The following RUNX1T1 variants were observed in gnomAD, a reference collection of about 807,000 sequenced individuals.
RUNX1T1 encodes the protein RUNX1 partner transcriptional co-repressor 1, also known as protein CBFA2T1.
Under a neutral mutation model 62.8 loss-of-function variants are expected in RUNX1T1, and 4 were observed. That is an observed-to-expected ratio of 0.06 (90% CI 0.03 to 0.15). The LOEUF (loss-of-function observed/expected upper bound fraction) is 0.15, where lower values mean the gene tolerates loss of function less well. Ranked by LOEUF, RUNX1T1 falls within the 10% of genes least tolerant of loss-of-function variation. RUNX1T1 has a pLI of 1.00. For missense variants in RUNX1T1, 508 were observed against 754.3 expected (o/e 0.67, Z 3.82); for synonymous variants, 291 against 286.0 (o/e 1.02, Z -0.18).
At chr8:92,006,663 T>C (rs998343605) in intron 4 of RUNX1T1, 2 of 146,778 alleles carry the variant, frequency 1.4e-5, no homozygotes, top group African/African-American at 5.1e-5. Flanking sequence ...GAAGAACTCC[T>C]TTTAACTTTT....
chr8:92,053,525 T>C (rs1830549954), intron 1 of RUNX1T1, among the ~76,000 whole-genome samples: 1 of 152,220 alleles, frequency 6.6e-6, no homozygotes, highest in African/African-American at 2.4e-5. Flanking sequence ...TGTTGCATTA[T>C]ACTTTCAGTA....
Position 91,985,027 on chromosome 8 carries a change from T to C in RUNX1T1, c.1198+1097A>G, listed in dbSNP as rs144332126. Among the ~76,000 whole-genome samples, 1,131 of 152,250 alleles carry C rather than the reference T, an allele frequency of 7.4e-3. 3 individuals carry two copies. The highest frequency in any genetic ancestry group is 0.011 in the Non-Finnish European group (765 of 68,012). On this transcript the variant is annotated intron_variant, in intron 8 of 10. Transcript: ENST00000396218. ...GGAAACTACACTGGCTGGGAACAAA[T>C]TGAAAACAGTAATGTGATCAACAGA...
chr8:92,032,216 T>A (rs1321168238), intron 1 of RUNX1T1, among the ~76,000 whole-genome samples: 2 of 151,562 alleles, frequency 1.3e-5, no homozygotes, highest in Admixed American at 1.3e-4. Context: ...AATACTAAGT[T>A]CAGAAATGGA....
At chr8:91,956,214 C>T, downstream of RUNX1T1, 1 of 231,138 alleles carries the variant, frequency 4.3e-6, no homozygotes, top group Admixed American at 5.6e-5. Flanking sequence ...CTAATCTAGG[C>T]AAGCCAAGCT....
intron 1 of RUNX1T1, among the ~76,000 whole-genome samples, chr8:92,054,330 A>G (rs910128196): frequency 6.6e-6 from 1 of 152,216 alleles, no homozygotes; most frequent in Non-Finnish European, 1.5e-5. Flanking sequence ...CAAAACTCAG[A>G]AAATTTCATC....
intron 10 of RUNX1T1, among the ~76,000 whole-genome samples, chr8:91,968,812 C>T (rs955135953): frequency 2.6e-5 from 4 of 152,152 alleles, no homozygotes; most frequent in African/African-American, 9.7e-5. Flanking sequence ...AGGTAAGTTT[C>T]CTCATCCATA....
In RUNX1T1 at chr8:92,044,292, T is replaced by G. The variant is rs551584947; in HGVS notation, c.7+18254A>C. ...AAAGAAAAAGCCAAAATTTAGTCAC[T>G]CTGAATAAACAAGCTGTAACTGACA... On this transcript the variant is annotated intron_variant, in intron 1 of 10. Transcript: ENST00000396218. Among the ~76,000 whole-genome samples, 5 of 152,322 alleles carry G rather than the reference T, an allele frequency of 3.3e-5. 1 individual carries two copies. Among genetic ancestry groups the G allele is most frequent in the Admixed American group, 3.3e-4 (5 of 15,308 alleles).
intron 1 of RUNX1T1, among the ~76,000 whole-genome samples, chr8:92,086,803 C>T (rs915021848): frequency 6.6e-6 from 1 of 152,122 alleles, no homozygotes; most frequent in African/African-American, 2.4e-5. Context: ...ATTATTTTTC[C>T]TTTGCAATAC....
exon 3 of RUNX1T1, chr8:92,014,775 G>A: frequency 6.2e-7 from 1 of 1,613,904 alleles, no homozygotes; most frequent in Non-Finnish European, 8.5e-7. Flanking sequence ...GGGTGGTGAG[G>A]GGGCGCCATT....
intron 4 of RUNX1T1, chr8:92,010,562 G>A (rs1012862180): frequency 1.3e-5 from 2 of 154,428 alleles, no homozygotes; most frequent in Admixed American, 6.5e-5. Flanking sequence ...GGCACACCTT[G>A]GACATGTCAC....
At chr8:92,080,655 T>A (rs1455163830) in intron 1 of RUNX1T1, among the ~76,000 whole-genome samples, 1 of 152,230 alleles carries the variant, frequency 6.6e-6, no homozygotes, top group East Asian at 1.9e-4. Flanking sequence ...CTCTATTCAT[T>A]CCATTGGCAG....
chr8:92,018,771 A>G (rs879628448), intron 1 of RUNX1T1, among the ~76,000 whole-genome samples: 3 of 152,246 alleles, frequency 2.0e-5, no homozygotes, highest in Admixed American at 6.5e-5. Flanking sequence ...AATAATGTTG[A>G]TATCACTTTA....
chr8:92,065,231 A>G (rs895344532), upstream of RUNX1T1, among the ~76,000 whole-genome samples: 7 of 152,338 alleles, frequency 4.6e-5, no homozygotes, highest in African/African-American at 1.4e-4. Context: ...TCTAACATCC[A>G]AATTGTATAA....
At chr8:92,092,854 T>A (rs1837249574) in intron 1 of RUNX1T1, among the ~76,000 whole-genome samples, 1 of 152,156 alleles carries the variant, frequency 6.6e-6, no homozygotes, top group East Asian at 1.9e-4. Flanking sequence ...AGAAAATTTT[T>A]TTTTTATTTT....
rs150982097 is a variant in RUNX1T1 at position 92,011,835 on chromosome 8, G to T, written c.388-744C>A. On this transcript the variant is annotated intron_variant, in intron 3 of 10. Transcript: ENST00000396218. ...AACAAGCCCCAAATACTCAGGATTTGTATCCTACAATAGATAATGTGTGTT... is the reference window on the plus strand; with the variant it reads ...AACAAGCCCCAAATACTCAGGATTTTTATCCTACAATAGATAATGTGTGTT... 2.6e-4 allele frequency among the ~76,000 whole-genome samples: 40 copies of T among 152,290 alleles called. No homozygotes were observed. In the East Asian group the frequency reaches 7.5e-3, roughly 29 times the overall value.
intron 1 of RUNX1T1, among the ~76,000 whole-genome samples, chr8:92,048,810 G>T (rs1227269379): frequency 1.3e-5 from 2 of 152,124 alleles, no homozygotes; most frequent in Non-Finnish European, 2.9e-5. Context: ...GGCCACATTG[G>T]CCAAGTAACT....
intron 5 of RUNX1T1, among the ~76,000 whole-genome samples, chr8:91,993,150 T>C (rs1818001698): frequency 6.6e-6 from 1 of 152,096 alleles, no homozygotes; most frequent in Non-Finnish European, 1.5e-5. Context: ...TTTTAGATAG[T>C]AAAACAACAG....
chr8:91,986,872 T>C lies in RUNX1T1; in HGVS notation c.996+15A>G. The C allele has an allele frequency of 6.6e-7, 1 of 1,510,118 alleles. No individual in the cohort carries two copies. Among genetic ancestry groups the C allele is most frequent in the Middle Eastern group, 1.7e-4 (1 of 5,870 alleles). The allele number at this position is 1,510,118 out of a possible 1,614,324, so 93.5% of individuals were successfully genotyped here. ...CCAAACATTTTTTAATCCCAAATGA[T>C]TACTGATGTCTTACATGGTCAAGAT... is the stretch of plus-strand genomic sequence containing the variant. On this transcript the variant is annotated intron_variant, in intron 7 of 10. Coordinates refer to ENST00000396218, the Ensembl canonical transcript of RUNX1T1.
chr8:92,051,498 G>C (rs1014669271), intron 1 of RUNX1T1, among the ~76,000 whole-genome samples: 2 of 152,088 alleles, frequency 1.3e-5, no homozygotes, highest in African/African-American at 4.8e-5. Context: ...ACAAAAAAGA[G>C]AGGAAGATAA....
Sources: gnomAD v4.1 joint callset for allele counts (sites outside exome capture counted in the v4.1 genomes callset) on GRCh38, gnomAD v4.1.1 for gene constraint, MANE v1.5 for transcripts, NCBI Gene and HGNC (gene_info 2026-07-23, HGNC 2026-07-21) for gene names.